The following ROBO1 variants were observed in gnomAD, a reference collection of about 807,000 sequenced individuals.
ROBO1 encodes the protein roundabout homolog 1.
ROBO1 carries 149 observed loss-of-function variants against 195.9 expected under a neutral mutation model. The ratio of observed to expected loss-of-function variants is 0.76; its 90% CI spans 0.67 to 0.87. The LOEUF is 0.87. Among genes scored for constraint, ROBO1 ranks in the 40% least tolerant of loss-of-function variants. ROBO1 has a pLI of 0.00. For missense variants in ROBO1, 1,933 were observed against 2,068.3 expected, an observed-to-expected ratio of 0.93 and a Z score of 1.27; for synonymous variants, 816 against 733.2, an observed-to-expected ratio of 1.11 and a Z score of -1.82.
intron 3 of ROBO1, among the ~76,000 whole-genome samples, chr3:79,120,079 A>G (rs954025531): frequency 6.6e-6 from 1 of 152,016 alleles, no homozygotes; most frequent in Non-Finnish European, 1.5e-5. Flanking sequence ...GCTGTGATTC[A>G]TGGTTTTGAT....
chr3:79,208,564 TAG>T, intron 2 of ROBO1, among the ~76,000 whole-genome samples: 1 of 151,766 alleles, frequency 6.6e-6, no homozygotes, highest in East Asian at 1.9e-4. Flanking sequence ...CTAAAAGAGG[TAG>T]AGTGAGAGAA....
At chr3:78,647,070 A>G (rs1392917038) in intron 20 of ROBO1, among the ~76,000 whole-genome samples, 1 of 152,034 alleles carries the variant, frequency 6.6e-6, no homozygotes, top group African/African-American at 2.4e-5. Context: ...CTGAGAGGGC[A>G]CAACTACACG....
chr3:79,476,714 A>G (rs1938562885), intron 2 of ROBO1, among the ~76,000 whole-genome samples: 1 of 151,984 alleles, frequency 6.6e-6, no homozygotes, highest in South Asian at 2.1e-4. Flanking sequence ...CTAAGTTATG[A>G]GGATGCAAAG....
rs34894151 is a variant in ROBO1, at chr3:79,171,413, C to CAAAAAAAAAAA, written c.89-45885_89-45875dup. 7.6e-5 allele frequency among the ~76,000 whole-genome samples: 5 copies of CAAAAAAAAAAA among 65,850 alleles called. 1 individual carries two copies. Among genetic ancestry groups the CAAAAAAAAAAA allele is most frequent in the Non-Finnish European group, 6.6e-5 (2 of 30,084 alleles). The allele number at this position is 65,850 out of a possible 152,430, so 43.2% of individuals were successfully genotyped here. On this transcript the variant is annotated intron_variant, in intron 2 of 30. Transcript: ENST00000464233. The stretch of plus-strand genomic sequence containing the variant: ...GCAAGTATATATGCCATGAAAATTG[C>CAAAAAAAAAAA]AAAAAAAAAAAAAAAAAAGCCATAA...
Position 78,766,103 on chromosome 3 carries a change from C to T in ROBO1, c.500-19203G>A, listed in dbSNP as rs115383738. On this transcript the variant is annotated intron_variant, in intron 4 of 30. Coordinates refer to ENST00000464233, the MANE Select transcript of ROBO1 (RefSeq NM_002941.4). Reference sequence around the variant, plus strand: ...TTTTGACCACATTTCCAACAAATACCTCTTTGATTAAAATGCCGGCCTGAA... The same window carrying T: ...TTTTGACCACATTTCCAACAAATACTTCTTTGATTAAAATGCCGGCCTGAA... 4.5e-3 allele frequency among the ~76,000 whole-genome samples: 680 copies of T among 152,242 alleles called. 8 individuals are homozygous for T. Among genetic ancestry groups the T allele is most frequent in the African/African-American group, 0.014 (582 of 41,542 alleles).
intron 4 of ROBO1, among the ~76,000 whole-genome samples, chr3:78,911,686 T>A (rs746141497): frequency 6.6e-6 from 1 of 152,050 alleles, no homozygotes; most frequent in Non-Finnish European, 1.5e-5. Context: ...TCAATTGATA[T>A]GGTCATTGCA....
intron 4 of ROBO1, among the ~76,000 whole-genome samples, chr3:78,748,317 T>A (rs1474321856): frequency 6.6e-6 from 1 of 152,006 alleles, no homozygotes; most frequent in Non-Finnish European, 1.5e-5. Context: ...CAGTGATGCA[T>A]GCCTGTAATC....
chr3:78,929,742 C>A (rs2039409118), intron 4 of ROBO1, among the ~76,000 whole-genome samples: 1 of 151,816 alleles, frequency 6.6e-6, no homozygotes, highest in Admixed American at 6.6e-5. Context: ...GAGCCACAAG[C>A]CATCTGCCTA....
intron 4 of ROBO1, among the ~76,000 whole-genome samples, chr3:78,905,908 G>A (rs1009937978): frequency 1.3e-5 from 2 of 152,056 alleles, no homozygotes; most frequent in Non-Finnish European, 2.9e-5. Context: ...AAGTACGTCT[G>A]ACTTTAAAGC....
intron 4 of ROBO1, among the ~76,000 whole-genome samples, chr3:78,773,525 G>C (rs1432106993): frequency 6.6e-6 from 1 of 151,990 alleles, no homozygotes; most frequent in African/African-American, 2.4e-5. Context: ...AGTCATCTAA[G>C]ATTTTGATAA....
intron 5 of ROBO1, among the ~76,000 whole-genome samples, chr3:78,722,817 T>A (rs1395487131): frequency 6.6e-6 from 1 of 152,114 alleles, no homozygotes; most frequent in Non-Finnish European, 1.5e-5. Flanking sequence ...AGATATTAGT[T>A]CCTCTGTATC....
At position 78,942,108 on chromosome 3, in the gene ROBO1, C is replaced by A. The variant is rs1002077746; in HGVS notation, c.173-3181G>T. Among the ~76,000 whole-genome samples, 3 of 152,102 alleles carry A rather than the reference C, an allele frequency of 2.0e-5. No individual in the cohort carries two copies. In the South Asian group the frequency reaches 6.2e-4, roughly 32 times the overall value. ...TTGAGCCTAGGAGTTCAAGACCAGC[C>A]TAGGCAACACAAGGAAACCATGTCT... On this transcript the variant is annotated intron_variant, in intron 3 of 30. Coordinates refer to ENST00000464233, the MANE Select transcript of ROBO1 (RefSeq NM_002941.4).
rs1278166244 is a variant in ROBO1 at position 79,509,512 on chromosome 3, AAC to A, written c.88+80310_88+80311del. On this transcript the variant is annotated intron_variant, in intron 2 of 30. Coordinates refer to ENST00000464233, the MANE Select transcript of ROBO1 (RefSeq NM_002941.4). ...CATTGTCACATTCTATAATTCTAGG[AAC>A]AGTCTTGAATTTATCATTTTAAAAA... Among the ~76,000 whole-genome samples, 4 of 152,304 alleles carry A rather than the reference AAC, an allele frequency of 2.6e-5. No individual in the cohort carries two copies. In the East Asian group the frequency reaches 7.7e-4, roughly 29 times the overall value.
chr3:79,455,719 A>G (rs1200232659), intron 2 of ROBO1, among the ~76,000 whole-genome samples: 1 of 152,074 alleles, frequency 6.6e-6, no homozygotes, highest in African/African-American at 2.4e-5. Context: ...TCCCCTCCAC[A>G]TATTTTTTGA....
intron 5 of ROBO1, among the ~76,000 whole-genome samples, chr3:78,720,823 T>C (rs1433848899): frequency 2.0e-5 from 3 of 152,020 alleles, no homozygotes. Context: ...AAACCATCAT[T>C]CTCAGCAAAG....
chr3:79,252,394 T>C (rs1041552783), intron 2 of ROBO1, among the ~76,000 whole-genome samples: 4 of 152,076 alleles, frequency 2.6e-5, no homozygotes, highest in African/African-American at 9.7e-5. Flanking sequence ...AGAAGTTCAT[T>C]TGAAGATCGG....
chr3:79,550,191 G>GAAAT (rs1942437433), intron 2 of ROBO1, among the ~76,000 whole-genome samples: 1 of 86,860 alleles, frequency 1.2e-5, no homozygotes, highest in African/African-American at 4.3e-5. Context: ...AAGAAAGAAA[G>GAAAT]AAAGGAAAAG....
At chr3:79,656,426 T>C (rs549198305) in intron 1 of ROBO1, among the ~76,000 whole-genome samples, 2 of 152,190 alleles carry the variant, frequency 1.3e-5, no homozygotes, top group East Asian at 1.9e-4. Flanking sequence ...TCATCTCTTA[T>C]CTGAATTCAA....
intron 4 of ROBO1, among the ~76,000 whole-genome samples, chr3:78,773,819 C>T (rs1559841138): frequency 6.6e-6 from 1 of 152,104 alleles, no homozygotes; most frequent in African/African-American, 2.4e-5. Flanking sequence ...TGCCAAATAT[C>T]TTTATTACCC....
Sources: allele counts gnomAD v4.1 joint callset (sites outside exome capture counted in the v4.1 genomes callset), GRCh38; gene constraint gnomAD v4.1.1; transcripts MANE v1.5; gene names NCBI Gene and HGNC (gene_info 2026-07-23, HGNC 2026-07-21).